USP32: variants seen among roughly 807,000 people sequenced by gnomAD.
USP32 encodes ubiquitin specific peptidase 32.
In USP32, 59 loss-of-function variants were observed where a neutral mutation model predicts 204.8. The ratio of observed to expected loss-of-function variants is 0.29; its 90% confidence interval spans 0.23 to 0.36. USP32 has a LOEUF of 0.36. Among genes scored for constraint, USP32 ranks in the 10% least tolerant of loss-of-function variants. The probability of loss-of-function intolerance (pLI) is 1.00; values close to 1 mark genes in which losing one functional copy is unlikely to be tolerated. For missense variants in USP32, 1,160 were observed against 1,946.4 expected (o/e 0.60, Z 7.60); for synonymous variants, 517 against 678.4 (o/e 0.76, Z 3.70).
At position 60,341,371 on chromosome 17, in the gene USP32, G is replaced by A. The variant is rs2088654515; in HGVS notation, c.186+4110C>T. Among the ~76,000 whole-genome samples the A allele has an allele frequency of 2.6e-5, 4 of 152,046 alleles. No individual in the cohort carries two copies. In the South Asian group the frequency reaches 8.3e-4, roughly 32 times the overall value. On this transcript the variant is annotated intron_variant, in intron 2 of 33. Coordinates refer to ENST00000300896, the MANE Select transcript of USP32 (RefSeq NM_032582.4). ...GAGCTCTTGTAAGGCAGGCCTGGTG[G>A]TGACAAAATCTCTCAGCATTTGCTT...
chr17:60,392,489 G>A, upstream of USP32: 2 of 249,182 alleles, frequency 8.0e-6, no homozygotes, highest in Non-Finnish European at 1.7e-5. Context: ...GACCCCCCCC[G>A]CCCCCGCGCC....
At chr17:60,363,307 T>C (rs530006371) in intron 1 of USP32, among the ~76,000 whole-genome samples, 68 of 151,418 alleles carry the variant, frequency 4.5e-4, no homozygotes, top group South Asian at 3.6e-3. Flanking sequence ...TACAAAAAAT[T>C]AGCTGGGCGT....
chr17:60,297,387 C>T (rs1047374857), intron 3 of USP32, among the ~76,000 whole-genome samples: 1 of 152,044 alleles, frequency 6.6e-6, no homozygotes, highest in Admixed American at 6.6e-5. Flanking sequence ...CAGAATAAAA[C>T]CCTGTCTCAA....
intron 2 of USP32, among the ~76,000 whole-genome samples, chr17:60,316,475 C>T (rs1005680690): frequency 2.0e-5 from 3 of 152,120 alleles, no homozygotes; most frequent in African/African-American, 7.2e-5. Flanking sequence ...TCAGTGAGCA[C>T]GTTTCCGCAG....
intron 2 of USP32, among the ~76,000 whole-genome samples, chr17:60,304,518 T>C (rs1048462791): frequency 3.3e-5 from 5 of 152,106 alleles, no homozygotes; most frequent in African/African-American, 1.2e-4. Flanking sequence ...TGAAGGTAAA[T>C]ATAAAAGCAT....
chr17:60,248,573 T>C (rs1273286853), intron 11 of USP32, among the ~76,000 whole-genome samples: 2 of 152,318 alleles, frequency 1.3e-5, no homozygotes, highest in East Asian at 3.9e-4. Flanking sequence ...GATGAAATAA[T>C]CTCTATTGAT....
At chr17:60,406,948 C>CAGATTAACCCTTCTGCCATACA (rs1313464239) in intron 1 of USP32, among the ~76,000 whole-genome samples, 2 of 152,086 alleles carry the variant, frequency 1.3e-5, no homozygotes, top group Non-Finnish European at 2.9e-5. Context: ...TAAAAGGGAC[C>CAGATTAACCCTTCTGCCATACA]AGATTAACCC....
intron 11 of USP32, 143 bp from the exon 12 acceptor site, chr17:60,236,383 A>T (rs2085726011): frequency 1.7e-6 from 1 of 573,028 alleles, no homozygotes; most frequent in African/African-American, 1.9e-5. Flanking sequence ...CCAATTAGTA[A>T]AACAACACTG....
At chr17:60,381,873 C>G (rs1280284368) in intron 1 of USP32, among the ~76,000 whole-genome samples, 1 of 152,222 alleles carries the variant, frequency 6.6e-6, no homozygotes, top group Non-Finnish European at 1.5e-5. Flanking sequence ...CTCCTGTTCT[C>G]TCCCAGTCGA....
intron 9 of USP32, among the ~76,000 whole-genome samples, chr17:60,257,528 C>T (rs1408983789): frequency 6.6e-6 from 1 of 152,166 alleles, no homozygotes; most frequent in Non-Finnish European, 1.5e-5. Context: ...CTCACTCTAT[C>T]ACCCAGGCTG....
intron 12 of USP32, among the ~76,000 whole-genome samples, chr17:60,232,782 A>T (rs1327789975): frequency 6.6e-6 from 1 of 152,010 alleles, no homozygotes; most frequent in Non-Finnish European, 1.5e-5. Flanking sequence ...CCCAGCCTCA[A>T]GTGATCTGCC....
intron 1 of USP32, among the ~76,000 whole-genome samples, chr17:60,382,498 A>G (rs929799693): frequency 6.6e-6 from 1 of 152,158 alleles, no homozygotes; most frequent in Non-Finnish European, 1.5e-5. Context: ...AAAAACAAAA[A>G]CAAAAGACTA....
chr17:60,277,916 T>C (rs2086876762), intron 5 of USP32, among the ~76,000 whole-genome samples: 1 of 141,766 alleles, frequency 7.1e-6, no homozygotes, highest in African/African-American at 3.1e-5. Flanking sequence ...TAATAATAGT[T>C]CCTTTTTTTT....
intron 12 of USP32, among the ~76,000 whole-genome samples, chr17:60,230,574 G>A (rs909884102): frequency 1.3e-5 from 2 of 152,156 alleles, no homozygotes; most frequent in African/African-American, 4.8e-5. Context: ...TGGAGAATAT[G>A]GGCTTTTCTT....
intron 5 of USP32, among the ~76,000 whole-genome samples, chr17:60,280,336 A>C (rs1319032980): frequency 6.6e-6 from 1 of 152,118 alleles, no homozygotes; most frequent in Non-Finnish European, 1.5e-5. Context: ...ACCTCAGGTA[A>C]TCCACCCACC....
intron 15 of USP32, 34 bp downstream of exon 15, chr17:60,222,375 G>T (rs757539740): frequency 2.5e-6 from 4 of 1,596,452 alleles, no homozygotes; most frequent in Non-Finnish European, 3.4e-6. Context: ...ATCTATGACT[G>T]CTCCTTATAT....
At chr17:60,304,134 CA>C (rs1295722921) in intron 2 of USP32, among the ~76,000 whole-genome samples, 1 of 151,696 alleles carries the variant, frequency 6.6e-6, no homozygotes, top group East Asian at 1.9e-4. Context: ...TGAAACTTCT[CA>C]AAACCAAAGA....
At chr17:60,284,997 ATC>A (rs2087074445) in intron 5 of USP32, among the ~76,000 whole-genome samples, 1 of 152,180 alleles carries the variant, frequency 6.6e-6, no homozygotes, top group South Asian at 2.1e-4. Context: ...AGCTGAGCTT[ATC>A]TCTCTCCCCT....
intron 1 of USP32, among the ~76,000 whole-genome samples, chr17:60,411,136 C>T (rs2090015121): frequency 6.6e-6 from 1 of 152,018 alleles, no homozygotes; most frequent in African/African-American, 2.4e-5. Flanking sequence ...CAAGACCAGC[C>T]TGACCAACAT....
Sources: gnomAD v4.1 joint callset for allele counts (sites outside exome capture counted in the v4.1 genomes callset) on GRCh38, gnomAD v4.1.1 for gene constraint, MANE v1.5 for transcripts, NCBI Gene and HGNC (gene_info 2026-07-23, HGNC 2026-07-21) for gene names.